INTS6L: variants seen among roughly 807,000 people sequenced by gnomAD.
INTS6L encodes integrator complex subunit 6-like.
Under a neutral mutation model 64.7 loss-of-function variants are expected in INTS6L, and 18 were observed. That is an observed-to-expected ratio of 0.28 (90% CI 0.19 to 0.41). INTS6L has a LOEUF of 0.41. INTS6L is among the 10% of genes least tolerant of loss of function. The pLI, the probability that INTS6L is intolerant of heterozygous loss-of-function variation, is 1.00. For missense variants in INTS6L, 533 were observed against 661.0 expected, an observed-to-expected ratio of 0.81 and a Z score of 2.12; for synonymous variants, 227 against 235.9, an observed-to-expected ratio of 0.96 and a Z score of 0.34.
chrX:135,574,962 G>A (rs1207061436), intron 13 of INTS6L, 122 bp from the exon 14 acceptor site: 25 of 700,200 alleles, frequency 3.6e-5, no homozygotes, highest in Non-Finnish European at 4.8e-5. Context: ...TGCTAGATTC[G>A]AGACTTTAAA....
chrX:135,549,555 T>A (rs2086444956), intron 6 of INTS6L, 87 bp from the exon 7 acceptor site: 1 of 1,044,556 alleles, frequency 9.6e-7, no homozygotes, highest in Non-Finnish European at 1.3e-6. Flanking sequence ...ATTTTGGACT[T>A]TGCTTTCAGC....
At position 135,533,933 on chromosome X, in the gene INTS6L, T is replaced by G. The variant is rs60734600; in HGVS notation, c.190-11490T>G. Among the ~76,000 whole-genome samples, 651 of 111,538 alleles carry G rather than the reference T, an allele frequency of 5.8e-3. 3 individuals are homozygous for G. The highest frequency in any genetic ancestry group is 0.019 in the African/African-American group (576 of 30,695). On this transcript the variant is annotated intron_variant, in intron 2 of 17. Coordinates refer to ENST00000639893, the MANE Select transcript of INTS6L (RefSeq NM_001351601.3). ...AGACTGGGAAAGGAAACTTTTCACA[T>G]TTAAGTATGACCAAGTTTAGTAAGT...
chrX:135,529,557 G>T (rs929922054), intron 2 of INTS6L, among the ~76,000 whole-genome samples: 1 of 111,660 alleles, frequency 9.0e-6, no homozygotes, highest in Admixed American at 9.5e-5. Flanking sequence ...CCCATTTAAG[G>T]AATAAGCACC....
At chrX:135,580,211 C>T in intron 16 of INTS6L, 49 bp downstream of exon 16, 1 of 1,140,357 alleles carries the variant, frequency 8.8e-7, no homozygotes, top group Non-Finnish European at 1.2e-6. Flanking sequence ...AGGTTTCTCT[C>T]ATTCTGTGAT....
intron 15 of INTS6L, among the ~76,000 whole-genome samples, chrX:135,579,111 A>C (rs1288241346): frequency 9.0e-6 from 1 of 111,483 alleles, no homozygotes; most frequent in Non-Finnish European, 1.9e-5. Context: ...GTACTGTCTG[A>C]CTGCCCCATG....
chrX:135,578,906 C>T (rs1468019799), intron 15 of INTS6L, among the ~76,000 whole-genome samples: 1 of 111,371 alleles, frequency 9.0e-6, no homozygotes, highest in Non-Finnish European at 1.9e-5. Context: ...TCCTGAAAAC[C>T]TGTCCTCAAC....
intron 6 of INTS6L, among the ~76,000 whole-genome samples, chrX:135,547,920 TGAA>T (rs2086397283): frequency 9.0e-6 from 1 of 111,154 alleles, no homozygotes; most frequent in African/African-American, 3.3e-5. Flanking sequence ...TGAATGCAAA[TGAA>T]TTTCAAAGGG....
intron 9 of INTS6L, among the ~76,000 whole-genome samples, chrX:135,564,749 A>G (rs782328352): frequency 9.9e-6 from 1 of 100,599 alleles, no homozygotes; most frequent in South Asian, 4.5e-4. Context: ...AAAAAAATTA[A>G]TTTTGAGATC....
intron 6 of INTS6L, 43 bp downstream of exon 6, chrX:135,547,308 G>A (rs782252196): frequency 2.6e-6 from 3 of 1,143,126 alleles, no homozygotes; most frequent in Non-Finnish European, 3.5e-6. Flanking sequence ...TTATATAGGA[G>A]AATGAGAAGA....
chrX:135,563,633 G>GTGTGTATATATA (rs1556523326), intron 9 of INTS6L, among the ~76,000 whole-genome samples: 1 of 10,387 alleles, frequency 9.6e-5, no homozygotes, highest in African/African-American at 1.8e-4. Flanking sequence ...GTGTGTGTGT[G>GTGTGTATATATA]TATATATATA....
At chrX:135,572,214 TG>T (rs1228630295) in intron 11 of INTS6L, 4 of 112,474 alleles carry the variant, frequency 3.6e-5, no homozygotes, top group Non-Finnish European at 7.5e-5. Flanking sequence ...TTAATCAATA[TG>T]GTATCACAAT....
At chrX:135,549,518 T>A in intron 6 of INTS6L, 124 bp from the exon 7 acceptor site, 1 of 802,789 alleles carries the variant, frequency 1.2e-6, no homozygotes, top group East Asian at 3.2e-5. Flanking sequence ...TCTTCTTCCA[T>A]TTTTCATGAA....
Position 135,580,022 on chromosome X carries a change from C to A in INTS6L, c.2354C>A (p.Ser785Tyr). The A allele has an allele frequency of 1.7e-6, 2 of 1,211,937 alleles. No individual in the cohort carries two copies. Among genetic ancestry groups the A allele is most frequent in the Non-Finnish European group, 2.2e-6 (2 of 895,528 alleles). ...GGAGGAGCCAAAAACTGCAGTCTCT[C>A]CGTAGATGACCAAAAAGACCCAGTA... ...FVGGAKNCSLSVDDQKDPVAS... is the reference protein window; with the variant it reads ...FVGGAKNCSLYVDDQKDPVAS... The change falls in exon 16 of 18, where the codon TCC becomes TAC. Residue 785 changes from serine (S) to tyrosine (Y), a missense_variant. Coordinates refer to ENST00000639893, the MANE Select transcript of INTS6L (RefSeq NM_001351601.3).
chrX:135,563,584 C>CATAT (rs60114163), intron 9 of INTS6L, among the ~76,000 whole-genome samples: 67 of 92,743 alleles, frequency 7.2e-4, no homozygotes, highest in African/African-American at 2.5e-3. Flanking sequence ...TATATATATA[C>CATAT]ATATATATAT....
intron 2 of INTS6L, among the ~76,000 whole-genome samples, chrX:135,521,965 C>A (rs1249627616): frequency 7.3e-5 from 8 of 110,307 alleles, no homozygotes; most frequent in African/African-American, 2.6e-4. Flanking sequence ...CAGAGCCAGC[C>A]GCCGGCCTTC....
chrX:135,577,612 C>T (rs1556531846), intron 15 of INTS6L, among the ~76,000 whole-genome samples, 185 bp downstream of exon 15: 1 of 111,899 alleles, frequency 8.9e-6, no homozygotes, highest in East Asian at 2.8e-4. Context: ...TTTCAAGGAT[C>T]TCAATCTACA....
chrX:135,522,687 C>T (rs1351529106), intron 2 of INTS6L, among the ~76,000 whole-genome samples: 1 of 111,716 alleles, frequency 9.0e-6, no homozygotes, highest in Non-Finnish European at 1.9e-5. Context: ...AATAGTTGGC[C>T]AAAGAGTGTT....
intron 2 of INTS6L, among the ~76,000 whole-genome samples, chrX:135,521,765 GCCGGACGGAGCCTGCGA>G (rs2085572639): frequency 1.8e-5 from 2 of 108,529 alleles, no homozygotes; most frequent in African/African-American, 3.3e-5. Context: ...CGCGCGGGGG[GCCGGACGGAGCCTGCGA>G]CTCCGCCCCG....
At chrX:135,572,076 T>C (rs781867535) in intron 11 of INTS6L, 2 of 112,434 alleles carry the variant, frequency 1.8e-5, no homozygotes, top group East Asian at 5.6e-4. Flanking sequence ...GGGAAGATCA[T>C]AGCTAATTTA....
Sources: gnomAD v4.1 joint callset for allele counts (sites outside exome capture counted in the v4.1 genomes callset) on GRCh38, gnomAD v4.1.1 for gene constraint, MANE v1.5 for transcripts, NCBI Gene and HGNC (gene_info 2026-07-23, HGNC 2026-07-21) for gene names.